Variants in DENND5B observed in about 807,000 individuals in gnomAD.
The protein encoded by DENND5B is DENN domain containing 5B.
A neutral mutation model predicts 140.6 loss-of-function variants in DENND5B; 34 were observed. The ratio of observed to expected loss-of-function variants is 0.24; its 90% CI spans 0.18 to 0.32. DENND5B has a LOEUF of 0.32. Among genes scored for constraint, DENND5B ranks in the 10% least tolerant of loss-of-function variants. The pLI, the probability that DENND5B is intolerant of heterozygous loss-of-function variation, is 1.00. For synonymous variants in DENND5B, 551 were observed against 562.1 expected (o/e 0.98, Z 0.28); for missense variants, 1,142 against 1,560.2 (o/e 0.73, Z 4.52).
At chr12:31,467,865 T>C (rs1591848603) in intron 3 of DENND5B, among the ~76,000 whole-genome samples, 2 of 151,754 alleles carry the variant, frequency 1.3e-5, no homozygotes, top group African/African-American at 4.8e-5. Flanking sequence ...CAGAAAAAAC[T>C]GCAATGAGAA....
At chr12:31,408,877 G>A (rs1235652906) in intron 14 of DENND5B, among the ~76,000 whole-genome samples, 1 of 152,170 alleles carries the variant, frequency 6.6e-6, no homozygotes, top group Non-Finnish European at 1.5e-5. Flanking sequence ...TGCTGCTCCT[G>A]GGACCAACAT....
At chr12:31,400,837 G>GTTT (rs368442172) in intron 15 of DENND5B, among the ~76,000 whole-genome samples, 22 of 113,966 alleles carry the variant, frequency 1.9e-4, no homozygotes, top group East Asian at 2.6e-4. Context: ...AGAGCTACGA[G>GTTT]TTTTTTTTTT....
At chr12:31,494,201 CACCTACCTACCTACCTACCTCT>C (rs1358440991) in intron 2 of DENND5B, among the ~76,000 whole-genome samples, 1 of 85,902 alleles carries the variant, frequency 1.2e-5, no homozygotes, top group Admixed American at 1.5e-4. Context: ...TCCATCCATC[CACCTACCTACCTACCTACCTCT>C]ACCTACCTAC....
intron 17 of DENND5B, among the ~76,000 whole-genome samples, chr12:31,397,121 T>C (rs971174007): frequency 6.6e-6 from 1 of 152,194 alleles, no homozygotes; most frequent in Middle Eastern, 3.2e-3. Context: ...AGAAGTTTAC[T>C]ATATTACTAA....
Position 31,386,998 on chromosome 12 carries a change from G to A in DENND5B, c.*605C>T, listed in dbSNP as rs1309460067. 6.6e-6 allele frequency: 1 copy of A among 152,114 alleles called. No homozygotes were observed. The highest frequency in any genetic ancestry group is 2.4e-5 in the African/African-American group (1 of 41,424). The allele number at this position is 152,114 out of a possible 1,614,324, so 9.4% of individuals were successfully genotyped here. Reference sequence around the variant, plus strand: ...AAATACTCCAATTATATCATCTTGTGCGGACTGAAATTTTTTTCCAAAAGA... The same window carrying A: ...AAATACTCCAATTATATCATCTTGTACGGACTGAAATTTTTTTCCAAAAGA... On this transcript the variant is annotated 3_prime_UTR_variant, in exon 21 of 21. Coordinates refer to ENST00000389082, the MANE Select transcript of DENND5B (RefSeq NM_144973.4).
intron 4 of DENND5B, among the ~76,000 whole-genome samples, chr12:31,455,429 C>A (rs75794406): frequency 0.02 from 3,119 of 152,230 alleles, 56 homozygotes; most frequent in South Asian, 0.053. Context: ...AGGGCCCAAG[C>A]TGGGGCTTTG....
intron 11 of DENND5B, among the ~76,000 whole-genome samples, chr12:31,418,498 T>C (rs1942873148): frequency 6.6e-6 from 1 of 151,790 alleles, no homozygotes; most frequent in African/African-American, 2.4e-5. Flanking sequence ...ATGTTTATGT[T>C]GCCCAGGCTG....
intron 3 of DENND5B, among the ~76,000 whole-genome samples, chr12:31,466,228 C>T (rs1945257751): frequency 1.3e-5 from 2 of 151,976 alleles, no homozygotes; most frequent in Non-Finnish European, 2.9e-5. Context: ...TGGTGCACAC[C>T]TGTGGTCCCA....
At position 31,468,424 on chromosome 12, in the gene DENND5B, A is replaced by T. The variant is rs953256344; in HGVS notation, c.905-8043T>A. The stretch of plus-strand genomic sequence containing the variant: ...AAGCCCAAAAAAAGTAGTAGAAAGA[A>T]GTGAATAATAAAAACAAAACCATAA... On this transcript the variant is annotated intron_variant, in intron 3 of 20. Coordinates refer to ENST00000389082, the MANE Select transcript of DENND5B (RefSeq NM_144973.4). Among the ~76,000 whole-genome samples the T allele has an allele frequency of 4.3e-4, 66 of 152,142 alleles. 2 individuals carry two copies. The highest frequency in any genetic ancestry group is 4.2e-3 in the Admixed American group (64 of 15,270).
intron 1 of DENND5B, among the ~76,000 whole-genome samples, chr12:31,579,070 A>G (rs1446779985): frequency 6.6e-6 from 1 of 152,230 alleles, no homozygotes. Context: ...TAAATAAAGC[A>G]TTATTTCAAA....
intron 2 of DENND5B, among the ~76,000 whole-genome samples, chr12:31,489,900 G>A (rs1166561640): frequency 6.6e-6 from 1 of 152,212 alleles, no homozygotes; most frequent in Admixed American, 6.5e-5. Context: ...AGAGGTGGAA[G>A]AGCCTTCCAG....
chr12:31,419,950 G>A lies in DENND5B; in HGVS notation c.2470+3647C>T, dbSNP rs1253415572. 4.4e-6 allele frequency: 4 copies of A among 911,454 alleles called. No individual in the cohort carries two copies. In the East Asian group the frequency reaches 5.6e-4, roughly 127 times the overall value. 56.5% of individuals were successfully genotyped at this position (911,454 alleles called of 1,614,324 possible). A position where few individuals can be genotyped will look rare whatever the true frequency, so the allele number is the denominator to read the frequency against. Reference sequence around the variant, plus strand: ...ACTGCGCCATTGCACTCTAGCCTGGGCAACAAGAGCGAAACTCCATCTCAG... The same window carrying A: ...ACTGCGCCATTGCACTCTAGCCTGGACAACAAGAGCGAAACTCCATCTCAG... On this transcript the variant is annotated intron_variant, in intron 11 of 20. Transcript: ENST00000389082.
intron 6 of DENND5B, among the ~76,000 whole-genome samples, chr12:31,445,782 G>A (rs1422336548): frequency 1.3e-5 from 2 of 151,670 alleles, no homozygotes; most frequent in African/African-American, 4.8e-5. Flanking sequence ...CTTAAGCCCA[G>A]GAGTTCAAGA....
intron 5 of DENND5B, among the ~76,000 whole-genome samples, chr12:31,450,708 T>C (rs1390495809): frequency 3.9e-5 from 6 of 152,146 alleles, no homozygotes; most frequent in East Asian, 1.9e-4. Context: ...TCCAGTACTG[T>C]AGATTAGCCT....
chr12:31,417,499 T>C (rs1381585074), intron 11 of DENND5B, among the ~76,000 whole-genome samples: 1 of 151,868 alleles, frequency 6.6e-6, no homozygotes, highest in African/African-American at 2.4e-5. Context: ...ATAATGTCCA[T>C]GAGTATTCTC....
At chr12:31,428,934 T>C (rs1943373436) in intron 8 of DENND5B, among the ~76,000 whole-genome samples, 1 of 152,106 alleles carries the variant, frequency 6.6e-6, no homozygotes, top group Non-Finnish European at 1.5e-5. Flanking sequence ...GGTTTCACTG[T>C]GTTAGCCAGG....
chr12:31,536,046 G>A (rs1456689299), intron 1 of DENND5B, among the ~76,000 whole-genome samples: 2 of 152,048 alleles, frequency 1.3e-5, no homozygotes, highest in African/African-American at 2.4e-5. Context: ...GCAGCTCTCC[G>A]CCCCTCTTCC....
At chr12:31,407,131 T>A (rs7307615) in intron 14 of DENND5B, among the ~76,000 whole-genome samples, 67,836 of 148,126 alleles carry the variant, frequency 0.46, 16,142 homozygotes, top group East Asian at 0.61. Flanking sequence ...TTAATTAATT[T>A]ATTTATTTAT....
intron 19 of DENND5B, among the ~76,000 whole-genome samples, chr12:31,390,431 G>C (rs1480016541): frequency 6.7e-6 from 1 of 149,910 alleles, no homozygotes; most frequent in Non-Finnish European, 1.5e-5. Context: ...CTGAGTTCGG[G>C]AGTTCGAGAC....
Sources: gnomAD v4.1 joint callset for allele counts (sites outside exome capture counted in the v4.1 genomes callset) on GRCh38, gnomAD v4.1.1 for gene constraint, MANE v1.5 for transcripts, NCBI Gene and HGNC (gene_info 2026-07-23, HGNC 2026-07-21) for gene names.